The following CD3E variants were observed in gnomAD, a reference collection of about 807,000 sequenced individuals.
CD3E encodes the protein CD3 epsilon subunit of T-cell receptor complex.
Under a neutral mutation model 34.7 loss-of-function variants are expected in CD3E, and 16 were observed. The ratio of observed to expected loss-of-function variants is 0.46; its 90% CI spans 0.31 to 0.70. The LOEUF is 0.70. Among genes scored for constraint, CD3E ranks in the 30% least tolerant of loss-of-function variants. The pLI, the probability that CD3E is intolerant of heterozygous loss-of-function variation, is 0.05. For missense variants in CD3E, 223 were observed against 253.9 expected (o/e 0.88, Z 0.83); for synonymous variants, 70 against 90.8 (o/e 0.77, Z 1.30).
At chr11:118,306,504 T>C (rs1948107321) in intron 2 of CD3E, among the ~76,000 whole-genome samples, 1 of 144,464 alleles carries the variant, frequency 6.9e-6, no homozygotes, top group Admixed American at 6.8e-5. Context: ...AATAAATAAA[T>C]AAATAAATAA....
In CD3E at chr11:118,304,893, G is replaced by A. The variant is rs1948097340; in HGVS notation, c.-59-1G>A. The A allele has an allele frequency of 1.3e-6, 2 of 1,519,386 alleles. No homozygotes were observed. Among genetic ancestry groups the A allele is most frequent in the Non-Finnish European group, 1.8e-6 (2 of 1,093,536 alleles). The allele number at this position is 1,519,386 out of a possible 1,614,324, so 94.1% of individuals were successfully genotyped here. ...AGTCATCTGTTTTGCTTTTTTTCCA[G>A]AAGTAGTAAGTCTGCTGGCCTCCGC... On this transcript the variant is annotated splice_acceptor_variant, in intron 1 of 8. Coordinates refer to ENST00000361763, the MANE Select transcript of CD3E (RefSeq NM_000733.4). LOFTEE classifies it low-confidence loss of function (5UTR_SPLICE).
chr11:118,313,537 C>A, intron 6 of CD3E, 170 bp from the exon 7 acceptor site: 1 of 681,764 alleles, frequency 1.5e-6, no homozygotes, highest in Admixed American at 2.1e-5. Flanking sequence ...CCACGGCCAC[C>A]ACTCTTTGCT....
At position 118,312,635 on chromosome 11, in the gene CD3E, T is replaced by C; in HGVS notation, c.121T>C (p.Ser41Pro). 6.2e-7 allele frequency: 1 copy of C among 1,614,210 alleles called. No homozygotes were observed. The highest frequency in any genetic ancestry group is 2.2e-5 in the East Asian group (1 of 44,890). ...CTCCCCAGCATATAAAGTCTCCATC[T>C]CTGGAACCACAGTAATATTGACATG... Reference protein sequence around the residue: ...ITQTPYKVSISGTTVILTCPQ... With the variant: ...ITQTPYKVSIPGTTVILTCPQ... The change falls in exon 6 of 9, where the codon TCT becomes CCT. Residue 41 changes from serine (S) to proline (P), a missense_variant. Physicochemically the swap from Ser to Pro is moderately conservative, Grantham distance 74. Transcript: ENST00000361763.
rs143868906 is a variant in CD3E at position 118,313,762 on chromosome 11, G to A, written c.408G>A (p.Val136=). 176 of 1,614,086 alleles carry A rather than the reference G, an allele frequency of 1.1e-4. No homozygotes were observed. The African/African-American group carries it at 2.2e-3, about 20-fold the overall frequency. Residue 136 remains valine, a synonymous_variant, in exon 7 of 9, where the codon GTG becomes GTA. Coordinates refer to ENST00000361763, the MANE Select transcript of CD3E (RefSeq NM_000733.4). ...DVMSVATIVI[V]DICITGGLLL... is the part of the protein sequence containing the mutation. Reference sequence around the variant, plus strand: ...TGTCGGTGGCCACAATTGTCATAGTGGACATCTGCATCACTGGGGGCTTGC... The same window carrying A: ...TGTCGGTGGCCACAATTGTCATAGTAGACATCTGCATCACTGGGGGCTTGC...
intron 5 of CD3E, 75 bp from the exon 6 acceptor site, chr11:118,312,543 G>C: frequency 6.5e-7 from 1 of 1,544,288 alleles, no homozygotes; most frequent in Non-Finnish European, 8.9e-7. Context: ...GCATTTGGGT[G>C]GTTCTTTTGT....
chr11:118,304,974 A>C lies in CD3E; in HGVS notation c.22A>C (p.Arg8=). MQSGTHW[R]VLGLCLLSVG... is the part of the protein sequence containing the mutation. The stretch of plus-strand genomic sequence containing the variant: ...AAAGATGCAGTCGGGCACTCACTGG[A>C]GAGTTCTGGGCCTCTGCCTCTTATC... The change falls in exon 2 of 9, where the codon AGA becomes CGA. Residue 8 remains arginine (R), a synonymous_variant. Coordinates refer to ENST00000361763, the MANE Select transcript of CD3E (RefSeq NM_000733.4). 1 of 1,614,008 alleles carries C rather than the reference A, an allele frequency of 6.2e-7. No homozygotes were observed. The highest frequency in any genetic ancestry group is 8.5e-7 in the Non-Finnish European group (1 of 1,179,906).
At position 118,313,871 on chromosome 11, in the gene CD3E, A is replaced by C. The variant is rs1948150524; in HGVS notation, c.517A>C (p.Arg173=). The C allele has an allele frequency of 1.2e-6, 2 of 1,612,896 alleles. No homozygotes were observed. The highest frequency in any genetic ancestry group is 1.3e-5 in the African/African-American group (1 of 75,020). The change falls in exon 7 of 9, where the codon AGG becomes CGG. Residue 173 remains arginine, a synonymous_variant. Transcript: ENST00000361763. ...AGGAGCGGGTGCTGGCGGCAGGCAAAGGGGTAAGGCTGTGGAGTCCAGTCA... is the reference window on the plus strand; with the variant it reads ...AGGAGCGGGTGCTGGCGGCAGGCAACGGGGTAAGGCTGTGGAGTCCAGTCA... ...TRGAGAGGRQ[R]GQNKERPPPV...
At position 118,312,886 on chromosome 11, in the gene CD3E, C is replaced by T; in HGVS notation, c.352+20C>T. The T allele has an allele frequency of 6.2e-7, 1 of 1,614,020 alleles. No individual in the cohort carries two copies. The highest frequency in any genetic ancestry group is 1.1e-5 in the South Asian group (1 of 91,050). ...CAAGAGGTAATCCAGGTCTCCAGAA[C>T]AGGTACCACCGGCTCTTTAGGGAGG... On this transcript the variant is annotated intron_variant, in intron 6 of 8. Coordinates refer to ENST00000361763, the MANE Select transcript of CD3E (RefSeq NM_000733.4).
Position 118,313,846 on chromosome 11 carries a change from AG to A in CD3E, c.494del (p.Gly165GlufsTer38). Reference sequence around the variant, plus strand: ...AGGCCAAGGCCAAGCCTGTGACACGAGGAGCGGGTGCTGGCGGCAGGCAAAG... The same window carrying A: ...AGGCCAAGGCCAAGCCTGTGACACGAGAGCGGGTGCTGGCGGCAGGCAAAG... ...RKAKAKPVTR[G>X]AGAGGRQRGQ... On this transcript the variant is annotated frameshift_variant, in exon 7 of 9. Transcript: ENST00000361763. LOFTEE classifies it high-confidence loss of function. 3 of 1,613,794 alleles carry A rather than the reference AG, an allele frequency of 1.9e-6. No individual in the cohort carries two copies. The highest frequency in any genetic ancestry group is 2.5e-6 in the Non-Finnish European group (3 of 1,180,044).
At chr11:118,314,947 TTACACACACACA>T (rs1948157368) in intron 8 of CD3E, among the ~76,000 whole-genome samples, 1 of 124,430 alleles carries the variant, frequency 8.0e-6, no homozygotes, top group Non-Finnish European at 1.7e-5. Context: ...CAACCCACCC[TTACACACACACA>T]TACACACACA....
intron 4 of CD3E, among the ~76,000 whole-genome samples, chr11:118,311,023 A>G (rs1483323786): frequency 2.0e-5 from 3 of 152,240 alleles, no homozygotes; most frequent in African/African-American, 4.8e-5. Flanking sequence ...AGCACCTGCT[A>G]TGTGTCATTC....
intron 2 of CD3E, among the ~76,000 whole-genome samples, chr11:118,306,248 C>T (rs1319513160): frequency 1.3e-5 from 2 of 152,016 alleles, no homozygotes; most frequent in South Asian, 4.2e-4. Context: ...GTAAGCCCAG[C>T]ATTTTGGGGG....
rs773134010 is a variant in CD3E at position 118,315,555 on chromosome 11, C to G, written c.*13C>G. Reference sequence around the variant, plus strand: ...GAGACGCATCTGACCCTCTGGAGAACACTGCCTCCCGCTGGCCCAGGTCTC... The same window carrying G: ...GAGACGCATCTGACCCTCTGGAGAAGACTGCCTCCCGCTGGCCCAGGTCTC... On this transcript the variant is annotated 3_prime_UTR_variant, in exon 9 of 9. Transcript: ENST00000361763. 1 of 1,608,600 alleles carries G rather than the reference C, an allele frequency of 6.2e-7. No homozygotes were observed. The highest frequency in any genetic ancestry group is 8.5e-7 in the Non-Finnish European group (1 of 1,177,344).
chr11:118,310,320 CTGTGTTCA>C (rs1195251778), intron 4 of CD3E, among the ~76,000 whole-genome samples: 3 of 152,172 alleles, frequency 2.0e-5, no homozygotes, highest in Non-Finnish European at 4.4e-5. Context: ...TCATTTCCCT[CTGTGTTCA>C]TGTGTTCTCA....
chr11:118,315,065 A>G (rs1222215494), intron 8 of CD3E, among the ~76,000 whole-genome samples: 1 of 151,858 alleles, frequency 6.6e-6, no homozygotes, highest in Non-Finnish European at 1.5e-5. Flanking sequence ...CAAAGAGTTA[A>G]TGCCTGGCAT....
intron 7 of CD3E, 97 bp downstream of exon 7, chr11:118,313,971 C>T: frequency 8.4e-7 from 1 of 1,189,214 alleles, no homozygotes; most frequent in South Asian, 1.3e-5. Context: ...GTCAGAACAG[C>T]TTCTCTAGAG....
intron 8 of CD3E, among the ~76,000 whole-genome samples, chr11:118,314,936 C>T (rs185570032): frequency 6.8e-6 from 1 of 146,744 alleles, no homozygotes; most frequent in Non-Finnish European, 1.5e-5. Flanking sequence ...TTTGCTCACC[C>T]CAACCCACCC....
intron 2 of CD3E, among the ~76,000 whole-genome samples, chr11:118,307,057 A>G (rs1948111143): frequency 6.6e-6 from 1 of 152,106 alleles, no homozygotes; most frequent in Non-Finnish European, 1.5e-5. Flanking sequence ...CTCATAGTTA[A>G]TGCTAGATGC....
Position 118,315,532 on chromosome 11 carries a change from G to A in CD3E, c.614G>A (p.Arg205Lys), listed in dbSNP as rs780379117. The change falls in exon 9 of 9, where the codon AGA becomes AAA. Residue 205 changes from arginine to lysine, a missense_variant. Coordinates refer to ENST00000361763, the MANE Select transcript of CD3E (RefSeq NM_000733.4). ...QRDLYSGLNQRRI is the reference protein window; with the variant it reads ...QRDLYSGLNQKRI ...GACCTGTATTCTGGCCTGAATCAGA[G>A]ACGCATCTGACCCTCTGGAGAACAC... 11 of 1,612,794 alleles carry A rather than the reference G, an allele frequency of 6.8e-6. No individual in the cohort carries two copies. Among genetic ancestry groups the A allele is most frequent in the Non-Finnish European group, 9.3e-6 (11 of 1,179,614 alleles).
Sources: gnomAD v4.1 joint callset for allele counts (sites outside exome capture counted in the v4.1 genomes callset) on GRCh38, gnomAD v4.1.1 for gene constraint, MANE v1.5 for transcripts, NCBI Gene and HGNC (gene_info 2026-07-23, HGNC 2026-07-21) for gene names.